LRIT2: variants seen among roughly 807,000 people sequenced by gnomAD.
LRIT2 encodes the protein leucine-rich repeat, immunoglobulin-like domain and transmembrane domain-containing protein 2.
Under a neutral mutation model 22.4 loss-of-function variants are expected in LRIT2, and 23 were observed. The observed-to-expected ratio is 1.03, with a 90% confidence interval of 0.74 to 1.45. The LOEUF (loss-of-function observed/expected upper bound fraction) is 1.45. LRIT2 is among the 40% of genes most tolerant of loss of function. LRIT2 has a pLI of 0.00. For synonymous variants in LRIT2, 291 were observed against 267.1 expected, an observed-to-expected ratio of 1.09 and a Z score of -0.87; for missense variants, 784 against 665.6, an observed-to-expected ratio of 1.18 and a Z score of -1.96.
rs1396629653 is a variant in LRIT2 at position 84,225,064 on chromosome 10, G to A, written c.161C>T (p.Ser54Phe). 1 of 1,614,082 alleles carries A rather than the reference G, an allele frequency of 6.2e-7. No homozygotes were observed. Among genetic ancestry groups the A allele is most frequent in the Non-Finnish European group, 8.5e-7 (1 of 1,179,988 alleles). Residue 54 changes from serine to phenylalanine, a missense_variant, in exon 2 of 3, where the codon TCT (serine) becomes TTT (phenylalanine). Coordinates refer to ENST00000372113, the MANE Select transcript of LRIT2 (RefSeq NM_001017924.5). ...AATTCTCACTTGCTTGAACTCTTCA[G>A]AAAGGTTCCCAGGGATCTTTCCCAA... ...VSLGKIPGNLSEEFKQVRIEN... is the reference protein window; with the variant it reads ...VSLGKIPGNLFEEFKQVRIEN...
At position 84,222,110 on chromosome 10, in the gene LRIT2, C is replaced by T. The variant is rs764248986; in HGVS notation, c.1463G>A (p.Gly488Asp). 3 of 1,608,748 alleles carry T rather than the reference C, an allele frequency of 1.9e-6. No individual in the cohort carries two copies. Among genetic ancestry groups the T allele is most frequent in the African/African-American group, 1.3e-5 (1 of 75,000 alleles). ...PVGAYAWAAQ[G>D]PCSCSKWVLR... is the part of the protein sequence containing the mutation. ...GACCCACTTGCTGCAGCTGCAGGGG[C>T]CCTGGGCTGCCCAGGCATAGGCGCC... Residue 488 changes from glycine (G) to aspartate (D), a missense_variant, in exon 3 of 3, where the codon GGC becomes GAC. Gly to Asp is a moderately conservative substitution (Grantham distance 94). Coordinates refer to ENST00000372113, the MANE Select transcript of LRIT2 (RefSeq NM_001017924.5).
rs188829835 is a variant in LRIT2, at chr10:84,223,163, C to A, written c.893-483G>T. ...AGCCTGGAGCCACATGCCTGGGCTG[C>A]TATCCCTAATGGAGCTCCTATCCAG... is the stretch of plus-strand genomic sequence containing the variant. On this transcript the variant is annotated intron_variant, in intron 2 of 2. Transcript: ENST00000372113. 1.4e-3 allele frequency among the ~76,000 whole-genome samples: 219 copies of A among 152,338 alleles called. 1 individual carries two copies. Among genetic ancestry groups the A allele is most frequent in the Middle Eastern group, 3.4e-3 (1 of 294 alleles).
At chr10:84,223,874 A>G (rs1289419634) in intron 2 of LRIT2, among the ~76,000 whole-genome samples, 2 of 152,224 alleles carry the variant, frequency 1.3e-5, no homozygotes, top group African/African-American at 2.4e-5. Context: ...ATTTTATGTC[A>G]GTGTTATTTC....
rs575315339 is a variant in LRIT2 at position 84,224,375 on chromosome 10, T to C, written c.850A>G (p.Ile284Val). 9.3e-6 allele frequency: 15 copies of C among 1,614,084 alleles called. No homozygotes were observed. In the East Asian group the frequency reaches 3.3e-4, roughly 36 times the overall value. The part of the protein sequence containing the change: ...CLAQASPSPS[I>V]AWTYPLSMWR... ...ATACTCAGGGGATAAGTCCATGCAA[T>C]GGATGGTGAGGGGCTGGCCTGTGCC... The change falls in exon 2 of 3, where the codon ATT becomes GTT. Residue 284 changes from isoleucine to valine, a missense_variant. By Grantham distance (29) the Ile-to-Val change is conservative. Coordinates refer to ENST00000372113, the MANE Select transcript of LRIT2 (RefSeq NM_001017924.5).
Position 84,222,173 on chromosome 10 carries a change from G to A in LRIT2, c.1400C>T (p.Thr467Ile), listed in dbSNP as rs1842514840. 3.1e-6 allele frequency: 5 copies of A among 1,614,120 alleles called. No homozygotes were observed. Among genetic ancestry groups the A allele is most frequent in the Non-Finnish European group, 4.2e-6 (5 of 1,180,032 alleles). ...AAGCAGCACCACACACAGGACCACT[G>A]TGACATGCAGGAGGTGCTCACGTGC... ...LEAREHLLHVTVVLCVVLLAV... is the reference protein window; with the variant it reads ...LEAREHLLHVIVVLCVVLLAV... The change falls in exon 3 of 3, where the codon ACA becomes ATA. Residue 467 changes from threonine (T) to isoleucine (I), a missense_variant. Coordinates refer to ENST00000372113, the MANE Select transcript of LRIT2 (RefSeq NM_001017924.5).
Position 84,221,871 on chromosome 10 carries a change from T to G in LRIT2, c.*49A>C, listed in dbSNP as rs1307148853. ...GGATGGAGCTGCTGCAGAGGGTTGG[T>G]TTCAGAGGCTTGAAGCCCAAGCCGT... On this transcript the variant is annotated 3_prime_UTR_variant, in exon 3 of 3. Coordinates refer to ENST00000372113, the MANE Select transcript of LRIT2 (RefSeq NM_001017924.5). 2 of 1,500,790 alleles carry G rather than the reference T, an allele frequency of 1.3e-6. No homozygotes were observed. Among genetic ancestry groups the G allele is most frequent in the Non-Finnish European group, 1.8e-6 (2 of 1,122,824 alleles). The allele number at this position is 1,500,790 out of a possible 1,614,324, so 93.0% of individuals were successfully genotyped here. A position where few individuals can be genotyped will look rare whatever the true frequency, so the allele number is the denominator to read the frequency against.
chr10:84,224,443 T>G lies in LRIT2; in HGVS notation c.782A>C (p.Asn261Thr). Residue 261 changes from asparagine to threonine, a missense_variant, in exon 2 of 3, where the codon AAT becomes ACT. Asn to Thr is a moderately conservative substitution (Grantham distance 65). Transcript: ENST00000372113. Reference protein sequence around the residue: ...MKPQISTPSANITIRAGQNVT... With the variant: ...MKPQISTPSATITIRAGQNVT... ...ATTCTGTCCTGCCCGGATGGTGATATTGGCACTGGGGGTTGAGATCTGTGG... is the reference window on the plus strand; with the variant it reads ...ATTCTGTCCTGCCCGGATGGTGATAGTGGCACTGGGGGTTGAGATCTGTGG... 1 of 1,614,234 alleles carries G rather than the reference T, an allele frequency of 6.2e-7. No homozygotes were observed. The highest frequency in any genetic ancestry group is 8.5e-7 in the Non-Finnish European group (1 of 1,180,034).
At position 84,222,698 on chromosome 10, in the gene LRIT2, C is replaced by G. The variant is rs1358085123; in HGVS notation, c.893-18G>C. The G allele has an allele frequency of 2.5e-6, 4 of 1,611,932 alleles. No homozygotes were observed. Among genetic ancestry groups the G allele is most frequent in the Non-Finnish European group, 3.4e-6 (4 of 1,178,256 alleles). On this transcript the variant is annotated intron_variant, in intron 2 of 2. Coordinates refer to ENST00000372113, the MANE Select transcript of LRIT2 (RefSeq NM_001017924.5). Reference sequence around the variant, plus strand: ...TGTCAACACTGGGTGGAAAGAAAAACAAAACAGCTGTGCATTTATCTGATA... The same window carrying G: ...TGTCAACACTGGGTGGAAAGAAAAAGAAAACAGCTGTGCATTTATCTGATA...
intron 2 of LRIT2, among the ~76,000 whole-genome samples, chr10:84,223,481 A>C (rs1456093951): frequency 1.9e-5 from 2 of 104,018 alleles, no homozygotes; most frequent in East Asian, 7.3e-4. Flanking sequence ...AGAATGTGAA[A>C]ATTCAGTTAA....
At chr10:84,225,552 T>C, upstream of LRIT2, 10 of 1,606,508 alleles carry the variant, frequency 6.2e-6, no homozygotes, top group Non-Finnish European at 8.5e-6. Flanking sequence ...TTGTGAGTTT[T>C]GAATAAGTAT....
intron 2 of LRIT2, 174 bp from the exon 3 acceptor site, chr10:84,222,854 A>C (rs1842526171): frequency 1.2e-5 from 9 of 738,118 alleles, no homozygotes; most frequent in Non-Finnish European, 1.9e-5. Flanking sequence ...GCCTCCCAGC[A>C]ATCCTGTAAG....
Position 84,221,783 on chromosome 10 carries a change from C to A in LRIT2, c.*137G>T, listed in dbSNP as rs1396654149. The A allele has an allele frequency of 1.5e-6, 1 of 679,426 alleles. No individual in the cohort carries two copies. The highest frequency in any genetic ancestry group is 2.3e-6 in the Non-Finnish European group (1 of 437,422). The allele number at this position is 679,426 out of a possible 1,614,324, so 42.1% of individuals were successfully genotyped here. The stretch of plus-strand genomic sequence containing the variant: ...TCTGTTTCCCTTTTTACTCTTGAAC[C>A]CCCTGTGTCAAGTTCAGTGCTTGGA... On this transcript the variant is annotated 3_prime_UTR_variant, in exon 3 of 3. Transcript: ENST00000372113.
rs1357686803 is a variant in LRIT2 at position 84,222,127 on chromosome 10, A to C, written c.1446T>G (p.Tyr482Ter). 2 of 1,609,494 alleles carry C rather than the reference A, an allele frequency of 1.2e-6. No homozygotes were observed. Among genetic ancestry groups the C allele is most frequent in the East Asian group, 4.5e-5 (2 of 44,736 alleles). ...TGCAGGGGCCCTGGGCTGCCCAGGC[A>C]TAGGCGCCCACAGGCACTGCAAGCA... ...VVLLAVPVGA[Y>*]AWAAQGPCSC... is the part of the protein sequence containing the mutation. The change falls in exon 3 of 3, where the codon TAT (tyrosine) becomes TAG (stop). Residue 482 changes from tyrosine to a stop codon, truncating the protein, a stop_gained. Coordinates refer to ENST00000372113, the MANE Select transcript of LRIT2 (RefSeq NM_001017924.5). LOFTEE classifies it low-confidence loss of function (END_TRUNC).
chr10:84,223,637 AT>A (rs1842533358), intron 2 of LRIT2, among the ~76,000 whole-genome samples: 1 of 152,082 alleles, frequency 6.6e-6, no homozygotes, highest in Admixed American at 6.6e-5. Context: ...ATGTACGAAG[AT>A]TTTTCTTTTC....
chr10:84,223,031 G>A (rs969267898), intron 2 of LRIT2, among the ~76,000 whole-genome samples: 12 of 152,090 alleles, frequency 7.9e-5, no homozygotes, highest in Admixed American at 4.6e-4. Context: ...AACCACCTTC[G>A]CCTTGCTGAG....
In LRIT2 at chr10:84,224,559, G is replaced by A. The variant is rs776679860; in HGVS notation, c.666C>T (p.Val222=). 1 of 1,613,988 alleles carries A rather than the reference G, an allele frequency of 6.2e-7. No individual in the cohort carries two copies. Among genetic ancestry groups the A allele is most frequent in the Non-Finnish European group, 8.5e-7 (1 of 1,179,888 alleles). ...VQFVKSITLP[V]ILVNSYLICQ... is the part of the protein sequence containing the mutation. ...ATATCAGGTAGGAATTCACCAGGAT[G>A]ACTGGGAGGGTAATGGACTTGACAA... The change falls in exon 2 of 3, where the codon GTC becomes GTT. Residue 222 remains valine, a synonymous_variant. Coordinates refer to ENST00000372113, the MANE Select transcript of LRIT2 (RefSeq NM_001017924.5).
rs938641641 is a variant in LRIT2, at chr10:84,222,794, A to C, written c.893-114T>G. ...TTTGTTTTTTGTTATTGTTGTTGTTAGAAGATGGTGGTAACCTCTTATGAA... is the reference window on the plus strand; with the variant it reads ...TTTGTTTTTTGTTATTGTTGTTGTTCGAAGATGGTGGTAACCTCTTATGAA... On this transcript the variant is annotated intron_variant, in intron 2 of 2. Transcript: ENST00000372113. The C allele has an allele frequency of 1.0e-5, 13 of 1,287,666 alleles. No homozygotes were observed. In the African/African-American group the frequency reaches 1.9e-4, roughly 19 times the overall value. 79.8% of individuals were successfully genotyped at this position (1,287,666 alleles called of 1,614,324 possible).
chr10:84,225,439 A>G lies in LRIT2; in HGVS notation c.82T>C (p.Cys28Arg), dbSNP rs1288394863. Reference protein sequence around the residue: ...HAAQPFCLPGCTCSEESFGRT... With the variant: ...HAAQPFCLPGRTCSEESFGRT... Reference sequence around the variant, plus strand: ...CCAAAACTCTCCTCTGAGCAAGTGCATCCTGGCAGACAGAAAGGCTGAGCT... The same window carrying G: ...CCAAAACTCTCCTCTGAGCAAGTGCGTCCTGGCAGACAGAAAGGCTGAGCT... Residue 28 changes from cysteine to arginine, a missense_variant, in exon 1 of 3, where the codon TGC becomes CGC. Coordinates refer to ENST00000372113, the MANE Select transcript of LRIT2 (RefSeq NM_001017924.5). 4 of 1,614,230 alleles carry G rather than the reference A, an allele frequency of 2.5e-6. No homozygotes were observed. The highest frequency in any genetic ancestry group is 3.3e-5 in the Admixed American group (2 of 60,024).
chr10:84,223,597 A>G (rs1308299286), intron 2 of LRIT2, among the ~76,000 whole-genome samples: 1 of 152,106 alleles, frequency 6.6e-6, no homozygotes, highest in Non-Finnish European at 1.5e-5. Flanking sequence ...GTTGTCTTCT[A>G]GACAGAGAAC....
Sources: gnomAD v4.1 joint callset for allele counts (sites outside exome capture counted in the v4.1 genomes callset) on GRCh38, gnomAD v4.1.1 for gene constraint, MANE v1.5 for transcripts, NCBI Gene and HGNC (gene_info 2026-07-23, HGNC 2026-07-21) for gene names.